The following SLC43A1 variants were observed in gnomAD, a reference collection of about 807,000 sequenced individuals.
SLC43A1 encodes solute carrier family 43 member 1.
A neutral mutation model predicts 59.5 loss-of-function variants in SLC43A1; 31 were observed. That is an observed-to-expected ratio of 0.52 (90% confidence interval 0.39 to 0.70). The LOEUF is 0.70. SLC43A1 is among the 30% of genes least tolerant of loss of function. The pLI is 0.00. For synonymous variants in SLC43A1, 259 were observed against 290.9 expected, an observed-to-expected ratio of 0.89 and a Z score of 1.12; for missense variants, 598 against 717.8, an observed-to-expected ratio of 0.83 and a Z score of 1.91.
intron 2 of SLC43A1, among the ~76,000 whole-genome samples, chr11:57,503,536 T>A (rs1424509110): frequency 1.3e-5 from 2 of 152,104 alleles, no homozygotes; most frequent in South Asian, 2.1e-4. Flanking sequence ...TTGCCCAGGC[T>A]GGTCTCGAAC....
At position 57,484,979 on chromosome 11, in the gene SLC43A1, A is replaced by T. The variant is rs1943688834; in HGVS notation, c.*117T>A. On this transcript the variant is annotated 3_prime_UTR_variant, in exon 15 of 15. Transcript: ENST00000278426. Reference sequence around the variant, plus strand: ...AAAAATAGAACTTCTCTTGGTATTTATAAATCTACGGCCATGGCTCTATGT... The same window carrying T: ...AAAAATAGAACTTCTCTTGGTATTTTTAAATCTACGGCCATGGCTCTATGT... 2 of 1,227,078 alleles carry T rather than the reference A, an allele frequency of 1.6e-6. No homozygotes were observed. Among genetic ancestry groups the T allele is most frequent in the South Asian group, 3.6e-5 (2 of 56,302 alleles). The allele number at this position is 1,227,078 out of a possible 1,614,324, so 76.0% of individuals were successfully genotyped here.
chr11:57,488,434 G>A (rs1303257350), intron 13 of SLC43A1, among the ~76,000 whole-genome samples: 1 of 152,200 alleles, frequency 6.6e-6, no homozygotes, highest in Non-Finnish European at 1.5e-5. Context: ...CCTGCCTGCT[G>A]CCTGCACCAA....
At chr11:57,486,106 A>G (rs1022744597) in intron 14 of SLC43A1, among the ~76,000 whole-genome samples, 1 of 152,238 alleles carries the variant, frequency 6.6e-6, no homozygotes, top group African/African-American at 2.4e-5. Context: ...CACACTAGGT[A>G]GAACTGGATT....
At chr11:57,492,550 A>G (rs1590752406) in intron 8 of SLC43A1, among the ~76,000 whole-genome samples, 1 of 23,232 alleles carries the variant, frequency 4.3e-5, no homozygotes, top group African/African-American at 1.2e-4. Context: ...ATATATATAT[A>G]TATATATATA....
chr11:57,501,817 T>C (rs1944275217), intron 2 of SLC43A1, among the ~76,000 whole-genome samples: 1 of 152,180 alleles, frequency 6.6e-6, no homozygotes, highest in South Asian at 2.1e-4. Context: ...CTGGGCAACA[T>C]GGTAAAACCC....
chr11:57,485,614 G>A (rs142713224), intron 14 of SLC43A1, among the ~76,000 whole-genome samples: 78 of 152,238 alleles, frequency 5.1e-4, no homozygotes, highest in African/African-American at 1.7e-3. Flanking sequence ...ATGGGATCCC[G>A]TTCAGGGTGG....
At chr11:57,499,295 G>A (rs1339915561) in intron 5 of SLC43A1, among the ~76,000 whole-genome samples, 3 of 150,056 alleles carry the variant, frequency 2.0e-5, no homozygotes, top group African/African-American at 7.4e-5. Flanking sequence ...CTGCACTCCA[G>A]CCTGGGCGAC....
At chr11:57,511,592 A>G (rs1944547740) in intron 2 of SLC43A1, among the ~76,000 whole-genome samples, 1 of 152,138 alleles carries the variant, frequency 6.6e-6, no homozygotes, top group Non-Finnish European at 1.5e-5. Context: ...CAGATGAGCC[A>G]CCACACCCAG....
chr11:57,488,061 A>G (rs1943792340), intron 13 of SLC43A1, among the ~76,000 whole-genome samples: 1 of 152,146 alleles, frequency 6.6e-6, no homozygotes, highest in Non-Finnish European at 1.5e-5. Flanking sequence ...ATGAGACAGG[A>G]CACCACAGAG....
chr11:57,514,925 T>A lies in SLC43A1; in HGVS notation c.-14+519A>T, dbSNP rs888802771. 1.0e-6 allele frequency: 1 copy of A among 973,548 alleles called. No individual in the cohort carries two copies. The highest frequency in any genetic ancestry group is 1.2e-6 in the Non-Finnish European group (1 of 820,268). 60.3% of individuals were successfully genotyped at this position (973,548 alleles called of 1,614,324 possible). On this transcript the variant is annotated intron_variant, in intron 1 of 14. Coordinates refer to ENST00000278426, the MANE Select transcript of SLC43A1 (RefSeq NM_003627.6). The surrounding 1 kb of genome is among the most constrained non-coding windows in gnomAD (Gnocchi z 5.5). Reference sequence around the variant, plus strand: ...GGTGGCGGATGGGCTGGCGGGCGGGTGTGTTTACCAAAGGGAGGGAAAGAG... The same window carrying A: ...GGTGGCGGATGGGCTGGCGGGCGGGAGTGTTTACCAAAGGGAGGGAAAGAG...
chr11:57,498,660 C>T (rs1232168572), intron 5 of SLC43A1, among the ~76,000 whole-genome samples: 4 of 152,072 alleles, frequency 2.6e-5, no homozygotes, highest in Admixed American at 1.3e-4. Flanking sequence ...CGGTTGACGT[C>T]CCAGCCCAGT....
chr11:57,511,376 T>C (rs1254394743), intron 2 of SLC43A1, among the ~76,000 whole-genome samples: 1 of 151,816 alleles, frequency 6.6e-6, no homozygotes, highest in Admixed American at 6.6e-5. Flanking sequence ...TGCAGTGAAC[T>C]GTGATTGTGC....
At chr11:57,491,144 T>C (rs2729384) in intron 11 of SLC43A1, 80 bp downstream of exon 11, 1,085,205 of 1,425,362 alleles carry the variant, frequency 0.76, 414,250 homozygotes, top group East Asian at 0.87. Context: ...AAGCAACAAG[T>C]TGCTGGATGT....
chr11:57,495,349 G>A (rs1453564597), intron 7 of SLC43A1, among the ~76,000 whole-genome samples: 4 of 151,870 alleles, frequency 2.6e-5, no homozygotes, highest in Non-Finnish European at 5.9e-5. Context: ...AATTAGCTGG[G>A]TGTGGTGGCG....
At chr11:57,492,269 A>T (rs1336972546) in intron 8 of SLC43A1, among the ~76,000 whole-genome samples, 1 of 140,706 alleles carries the variant, frequency 7.1e-6, no homozygotes, top group African/African-American at 2.6e-5. Context: ...TATATATATA[A>T]ATATACATAT....
chr11:57,492,126 T>G (rs538270263), intron 8 of SLC43A1, among the ~76,000 whole-genome samples: 40 of 151,700 alleles, frequency 2.6e-4, no homozygotes, highest in African/African-American at 8.2e-4. Flanking sequence ...CCCAACACTT[T>G]GAAAGGCAGA....
rs1282450798 is a variant in SLC43A1 at position 57,514,070 on chromosome 11, C to A, written c.42G>T (p.Trp14Cys). Residue 14 changes from tryptophan (W) to cysteine (C), a missense_variant, in exon 2 of 15, where the codon TGG becomes TGT. Physicochemically the swap from Trp to Cys is radical, Grantham distance 215. Transcript: ENST00000278426. This position sits in a 1 kb window ranked among gnomAD's most constrained non-coding sequence, Gnocchi z 5.5. ...TCTCCAGCACAGCCGTGCAGGCCAT[C>A]CACCAGCGCCTCCGGTACGCCTGTT... is the stretch of plus-strand genomic sequence containing the variant. ...TLQQAYRRRWWMACTAVLENL... is the reference protein window; with the variant it reads ...TLQQAYRRRWCMACTAVLENL... 10 of 1,605,344 alleles carry A rather than the reference C, an allele frequency of 6.2e-6. No individual in the cohort carries two copies. Among genetic ancestry groups the A allele is most frequent in the Non-Finnish European group, 8.5e-6 (10 of 1,176,088 alleles).
chr11:57,489,430 G>A (rs201247576), intron 11 of SLC43A1, 38 bp from the exon 12 acceptor site: 86 of 1,610,594 alleles, frequency 5.3e-5, no homozygotes, highest in Admixed American at 6.7e-5. Context: ...CTGCCTCTAC[G>A]TTCCCAGGAC....
intron 13 of SLC43A1, among the ~76,000 whole-genome samples, chr11:57,487,695 C>T (rs943174050): frequency 1.3e-5 from 2 of 151,290 alleles, no homozygotes; most frequent in Admixed American, 1.3e-4. Flanking sequence ...TAGTGATAAA[C>T]GCTGAGAAAA....
Sources: gnomAD v4.1 joint callset for allele counts (sites outside exome capture counted in the v4.1 genomes callset) on GRCh38, gnomAD v4.1.1 for gene constraint, Gnocchi (gnomAD v3.1) non-coding constraint, MANE v1.5 for transcripts, NCBI Gene and HGNC (gene_info 2026-07-23, HGNC 2026-07-21) for gene names.